TSPAN5: variants seen among roughly 807,000 people sequenced by gnomAD.
TSPAN5 encodes tetraspanin-5.
In TSPAN5, 10 loss-of-function variants were observed where a neutral mutation model predicts 37.1. The observed-to-expected ratio is 0.27, with a 90% CI of 0.17 to 0.46. TSPAN5 has a LOEUF of 0.46. TSPAN5 is among the 20% of genes least tolerant of loss of function. The pLI is 1.00. For synonymous variants in TSPAN5, 110 were observed against 118.9 expected (o/e 0.93, Z 0.48); for missense variants, 195 against 326.6 (o/e 0.60, Z 3.11).
chr4:98,601,373 T>C (rs1755877730), intron 1 of TSPAN5, among the ~76,000 whole-genome samples: 1 of 152,240 alleles, frequency 6.6e-6, no homozygotes, highest in African/African-American at 2.4e-5. Context: ...AATTTGTTGT[T>C]TAGTGTAGCC....
At chr4:98,646,619 T>C (rs189548231) in intron 1 of TSPAN5, among the ~76,000 whole-genome samples, 133 of 152,048 alleles carry the variant, frequency 8.7e-4, no homozygotes, top group Admixed American at 1.5e-3. Context: ...TAGAAGCGAA[T>C]TCATGGTCTG....
At chr4:98,553,747 T>C (rs993673981) in intron 1 of TSPAN5, among the ~76,000 whole-genome samples, 4 of 152,060 alleles carry the variant, frequency 2.6e-5, no homozygotes, top group Non-Finnish European at 4.4e-5. Context: ...TTTCAGCTAA[T>C]TGTACCCCAG....
At chr4:98,486,608 A>T (rs957873729) in intron 3 of TSPAN5, 130 bp downstream of exon 3, 1 of 1,025,540 alleles carries the variant, frequency 9.8e-7, no homozygotes, top group South Asian at 1.4e-5. Flanking sequence ...TCAAAAGAAA[A>T]TAATGACCTG....
chr4:98,525,747 T>C (rs1486554586), intron 1 of TSPAN5, among the ~76,000 whole-genome samples: 3 of 152,218 alleles, frequency 2.0e-5, no homozygotes, highest in African/African-American at 7.2e-5. Context: ...AGTTTGCTGA[T>C]GTTTTTGTGA....
intron 1 of TSPAN5, among the ~76,000 whole-genome samples, chr4:98,604,875 G>A (rs1397752890): frequency 1.3e-5 from 2 of 152,196 alleles, no homozygotes; most frequent in African/African-American, 2.4e-5. Flanking sequence ...GCTTGGAGAT[G>A]TTATGCAGCT....
At chr4:98,555,977 G>GTGCGTGCGCGCA (rs1754735090) in intron 1 of TSPAN5, among the ~76,000 whole-genome samples, 1 of 134,940 alleles carries the variant, frequency 7.4e-6, no homozygotes, top group South Asian at 2.2e-4. Flanking sequence ...ACACGCGCGC[G>GTGCGTGCGCGCA]CACACACACG....
intron 1 of TSPAN5, among the ~76,000 whole-genome samples, chr4:98,584,815 T>C (rs1466096603): frequency 6.6e-6 from 1 of 152,220 alleles, no homozygotes; most frequent in Admixed American, 6.5e-5. Flanking sequence ...ACCAAGAGAA[T>C]TGAATGTGTC....
chr4:98,600,787 G>A (rs1197729240), intron 1 of TSPAN5, among the ~76,000 whole-genome samples: 1 of 152,090 alleles, frequency 6.6e-6, no homozygotes, highest in Non-Finnish European at 1.5e-5. Context: ...GATCATGAAG[G>A]ACCTTAATGG....
intron 1 of TSPAN5, among the ~76,000 whole-genome samples, chr4:98,509,386 G>A (rs1753553063): frequency 6.6e-6 from 1 of 152,214 alleles, no homozygotes; most frequent in African/African-American, 2.4e-5. Context: ...GACTTGGACA[G>A]ATGGCAGGAG....
At chr4:98,508,784 C>G (rs1381783534) in intron 1 of TSPAN5, among the ~76,000 whole-genome samples, 1 of 152,104 alleles carries the variant, frequency 6.6e-6, no homozygotes, top group Non-Finnish European at 1.5e-5. Flanking sequence ...CTCGGCCTCT[C>G]AAAATGCTGA....
chr4:98,546,917 G>A (rs1754484006), intron 1 of TSPAN5, among the ~76,000 whole-genome samples: 1 of 152,216 alleles, frequency 6.6e-6, no homozygotes, highest in Non-Finnish European at 1.5e-5. Flanking sequence ...AAAGGGTGAA[G>A]CAGCGATATG....
At chr4:98,473,252 A>C (rs949168817) in intron 7 of TSPAN5, among the ~76,000 whole-genome samples, 3 of 152,196 alleles carry the variant, frequency 2.0e-5, no homozygotes, top group Admixed American at 6.5e-5. Context: ...GAAACTGCTA[A>C]ATTGTTTCCC....
chr4:98,582,184 C>G (rs893366385), intron 1 of TSPAN5, among the ~76,000 whole-genome samples: 1 of 152,208 alleles, frequency 6.6e-6, no homozygotes, highest in African/African-American at 2.4e-5. Flanking sequence ...TTGCGGTTCT[C>G]TTGTCCAGCG....
intron 1 of TSPAN5, among the ~76,000 whole-genome samples, chr4:98,572,278 C>T (rs1399775315): frequency 6.6e-6 from 1 of 152,144 alleles, no homozygotes; most frequent in Non-Finnish European, 1.5e-5. Context: ...GGCAGAGGGA[C>T]ATTAAGACCG....
At chr4:98,517,703 C>G (rs957725635) in intron 1 of TSPAN5, among the ~76,000 whole-genome samples, 3 of 152,070 alleles carry the variant, frequency 2.0e-5, no homozygotes, top group African/African-American at 4.8e-5. Context: ...GGAAATTACC[C>G]AAGCAATGCA....
intron 1 of TSPAN5, among the ~76,000 whole-genome samples, chr4:98,555,080 C>G (rs934045777): frequency 6.6e-6 from 1 of 152,168 alleles, no homozygotes; most frequent in Non-Finnish European, 1.5e-5. Flanking sequence ...AGAGAGCTAA[C>G]AGCGTGGGTG....
At chr4:98,507,334 A>C (rs536881627) in intron 2 of TSPAN5, among the ~76,000 whole-genome samples, 2 of 152,342 alleles carry the variant, frequency 1.3e-5, no homozygotes, top group East Asian at 3.9e-4. Context: ...AAAAGGCTAC[A>C]GGTGGTTTAG....
chr4:98,616,128 A>C (rs545440338), intron 1 of TSPAN5, among the ~76,000 whole-genome samples: 1 of 152,106 alleles, frequency 6.6e-6, no homozygotes, highest in Admixed American at 6.5e-5. Context: ...ATGGTTTCTC[A>C]GTCCCCACGT....
At chr4:98,588,375 G>C (rs1378915245) in intron 1 of TSPAN5, among the ~76,000 whole-genome samples, 1 of 151,708 alleles carries the variant, frequency 6.6e-6, no homozygotes, top group Non-Finnish European at 1.5e-5. Flanking sequence ...GGACAGTGCT[G>C]GGTGTTAACT....
Sources: allele counts gnomAD v4.1 joint callset (sites outside exome capture counted in the v4.1 genomes callset), GRCh38; gene constraint gnomAD v4.1.1; transcripts MANE v1.5; gene names NCBI Gene and HGNC (gene_info 2026-07-23, HGNC 2026-07-21).